The following TOGARAM1 variants were observed in gnomAD, a reference collection of about 807,000 sequenced individuals.
The protein encoded by TOGARAM1 is TOG array regulator of axonemal microtubules protein 1.
A neutral mutation model predicts 166.6 loss-of-function variants in TOGARAM1; 100 were observed. The ratio of observed to expected loss-of-function variants is 0.60; its 90% confidence interval spans 0.51 to 0.71. The LOEUF (loss-of-function observed/expected upper bound fraction) is 0.71. Among genes scored for constraint, TOGARAM1 ranks in the 30% least tolerant of loss-of-function variants. TOGARAM1 has a pLI of 0.00. For synonymous variants in TOGARAM1, 758 were observed against 763.8 expected, an observed-to-expected ratio of 0.99 and a Z score of 0.13; for missense variants, 2,029 against 2,102.7, an observed-to-expected ratio of 0.96 and a Z score of 0.69.
chr14:45,011,067 G>T (rs1334129182), intron 6 of TOGARAM1, among the ~76,000 whole-genome samples: 1 of 152,048 alleles, frequency 6.6e-6, no homozygotes, highest in East Asian at 1.9e-4. Context: ...AACACTTACT[G>T]ATTTAAAACA....
At position 45,040,084 on chromosome 14, in the gene TOGARAM1, A is replaced by G. The variant is rs372334042; in HGVS notation, c.3813-3602A>G. Among the ~76,000 whole-genome samples, 8 of 152,324 alleles carry G rather than the reference A, an allele frequency of 5.3e-5. No homozygotes were observed. The East Asian group carries it at 1.5e-3, about 29-fold the overall frequency. ...CCTTATTCTAGGCTATAAAACAAGT[A>G]ATTTAAAAGGATTCAGATTTTATAA... is the stretch of plus-strand genomic sequence containing the variant. On this transcript the variant is annotated intron_variant, in intron 11 of 19. Coordinates refer to ENST00000361462, the MANE Select transcript of TOGARAM1 (RefSeq NM_001308120.2).
chr14:45,058,651 G>GT (rs1594701062), intron 16 of TOGARAM1, among the ~76,000 whole-genome samples: 1 of 152,072 alleles, frequency 6.6e-6, no homozygotes. Flanking sequence ...GCTAGAGTGA[G>GT]TTTTTTATAA....
intron 15 of TOGARAM1, among the ~76,000 whole-genome samples, chr14:45,053,671 A>T (rs1882491892): frequency 6.6e-6 from 1 of 152,078 alleles, no homozygotes; most frequent in South Asian, 2.1e-4. Flanking sequence ...CATGCAAAAA[A>T]AAATAATCTG....
At chr14:44,986,399 C>T (rs1467580006) in intron 1 of TOGARAM1, among the ~76,000 whole-genome samples, 1 of 152,070 alleles carries the variant, frequency 6.6e-6, no homozygotes, top group African/African-American at 2.4e-5. Flanking sequence ...GAGCGATCCC[C>T]CTACCTCAGC....
At chr14:45,027,534 G>A in intron 9 of TOGARAM1, 60 bp downstream of exon 9, 1 of 1,328,194 alleles carries the variant, frequency 7.5e-7, no homozygotes, top group Middle Eastern at 1.9e-4. Context: ...ATTGTTTTGT[G>A]TATATCAGAT....
intron 1 of TOGARAM1, among the ~76,000 whole-genome samples, chr14:44,990,725 G>T (rs1394811889): frequency 1.3e-5 from 2 of 152,004 alleles, no homozygotes; most frequent in East Asian, 1.9e-4. Context: ...ACATTTTATG[G>T]GTGTGGTTAG....
chr14:45,029,419 C>A (rs1881036414), intron 10 of TOGARAM1, among the ~76,000 whole-genome samples: 1 of 152,106 alleles, frequency 6.6e-6, no homozygotes, highest in South Asian at 2.1e-4. Flanking sequence ...ACAATGTAGG[C>A]TTTAAAGATT....
chr14:45,043,823 G>A (rs1217682653), intron 12 of TOGARAM1, 32 bp downstream of exon 12: 1 of 1,226,656 alleles, frequency 8.2e-7, no homozygotes, highest in Admixed American at 1.7e-5. Context: ...GTTAAGGATT[G>A]TTAGAATAAC....
At chr14:44,984,096 A>T (rs1886666866) in intron 1 of TOGARAM1, among the ~76,000 whole-genome samples, 1 of 152,214 alleles carries the variant, frequency 6.6e-6, no homozygotes, top group Non-Finnish European at 1.5e-5. Flanking sequence ...GAAAGAGTTT[A>T]TAGGACAAAA....
intron 4 of TOGARAM1, 84 bp from the exon 5 acceptor site, chr14:45,005,924 A>G (rs1887930412): frequency 3.2e-6 from 4 of 1,232,602 alleles, no homozygotes; most frequent in East Asian, 2.5e-5. Context: ...ATTTTAAAAC[A>G]TTGTATTTTA....
chr14:45,068,228 C>A (rs535279214), intron 17 of TOGARAM1, among the ~76,000 whole-genome samples, 196 bp from the exon 18 acceptor site: 1 of 152,030 alleles, frequency 6.6e-6, no homozygotes, highest in Admixed American at 6.6e-5. Flanking sequence ...CTTTTTGTTA[C>A]AAGAAGATTT....
chr14:45,054,366 T>C (rs975140152), intron 15 of TOGARAM1, 65 bp from the exon 16 acceptor site: 4 of 968,900 alleles, frequency 4.1e-6, no homozygotes, highest in Non-Finnish European at 6.2e-6. Flanking sequence ...GAAAATTACA[T>C]TGTGTAAATT....
At chr14:45,019,909 T>G (rs2138884172) in intron 7 of TOGARAM1, among the ~76,000 whole-genome samples, 1 of 152,296 alleles carries the variant, frequency 6.6e-6, no homozygotes, top group East Asian at 1.9e-4. Context: ...GTAGGGGTCA[T>G]GCAGTTGAGA....
Position 45,028,298 on chromosome 14 carries a change from A to T in TOGARAM1, c.3627A>T (p.Arg1209Ser). Residue 1209 changes from arginine (R) to serine (S), a missense_variant, in exon 10 of 20, where the codon AGA becomes AGT. Physicochemically the swap from Arg to Ser is moderately radical, Grantham distance 110. Around this residue, in one of 2 missense-constraint regions of TOGARAM1, gnomAD observed 1,453 missense variants for 1,432.2 expected, o/e 1.01. Transcript: ENST00000361462. ...KKEKNSWERM[R>S]HTGTEKMASE... ...AAAAAAATTCCTGGGAACGAATGAGACATACAGGAACTGAGAAAATGGCAT... is the reference window on the plus strand; with the variant it reads ...AAAAAAATTCCTGGGAACGAATGAGTCATACAGGAACTGAGAAAATGGCAT... 1 of 1,588,300 alleles carries T rather than the reference A, an allele frequency of 6.3e-7. No individual in the cohort carries two copies. Among genetic ancestry groups the T allele is most frequent in the Non-Finnish European group, 8.5e-7 (1 of 1,174,126 alleles).
Position 44,962,277 on chromosome 14 carries a change from T to TG in TOGARAM1, c.-140dup. ...TTTGCCAGAGGCTGCCTCCCGGAGT[T>TG]GGGGGCGGCCTGGCGGCAGGCTGAA... On this transcript the variant is annotated 5_prime_UTR_variant, in exon 1 of 20. Transcript: ENST00000361462. 9.7e-7 allele frequency: 1 copy of TG among 1,034,470 alleles called. No individual in the cohort carries two copies. The highest frequency in any genetic ancestry group is 2.1e-5 in the South Asian group (1 of 46,540). 64.1% of individuals were successfully genotyped at this position (1,034,470 alleles called of 1,614,324 possible).
chr14:45,010,398 G>A (rs1879719122), intron 6 of TOGARAM1, among the ~76,000 whole-genome samples: 1 of 152,156 alleles, frequency 6.6e-6, no homozygotes, highest in South Asian at 2.1e-4. Flanking sequence ...ATGGTCTGGT[G>A]TTTACATAAT....
chr14:45,065,902 C>A (rs1305002129), intron 16 of TOGARAM1, among the ~76,000 whole-genome samples: 2 of 152,174 alleles, frequency 1.3e-5, no homozygotes, highest in African/African-American at 4.8e-5. Context: ...ACATTGCAGT[C>A]CTGAGACTGC....
At chr14:45,061,483 G>A (rs1486573239) in intron 16 of TOGARAM1, among the ~76,000 whole-genome samples, 1 of 152,140 alleles carries the variant, frequency 6.6e-6, no homozygotes, top group Non-Finnish European at 1.5e-5. Flanking sequence ...GGGACAAAAT[G>A]TTTAGCATTT....
intron 1 of TOGARAM1, among the ~76,000 whole-genome samples, chr14:44,975,533 C>G (rs1886130010): frequency 6.6e-6 from 1 of 152,226 alleles, no homozygotes; most frequent in African/African-American, 2.4e-5. Context: ...GTGGTGAGAT[C>G]TTGGCTCACT....
Sources: allele counts gnomAD v4.1 joint callset (sites outside exome capture counted in the v4.1 genomes callset), GRCh38; gene constraint gnomAD v4.1.1; regional missense constraint gnomAD v4.1.1; transcripts MANE v1.5; gene names NCBI Gene and HGNC (gene_info 2026-07-23, HGNC 2026-07-21).